TCP1: variants seen among roughly 807,000 people sequenced by gnomAD.
TCP1 encodes the protein T-complex protein 1 subunit alpha.
Under a neutral mutation model 54.7 loss-of-function variants are expected in TCP1, and 6 were observed. The ratio of observed to expected loss-of-function variants is 0.11; its 90% CI spans 0.06 to 0.22. The LOEUF (loss-of-function observed/expected upper bound fraction) is 0.22, where lower values mean the gene tolerates loss of function less well. Among genes scored for constraint, TCP1 ranks in the 10% least tolerant of loss-of-function variants. The pLI is 1.00. For synonymous variants in TCP1, 225 were observed against 229.7 expected, an observed-to-expected ratio of 0.98 and a Z score of 0.19; for missense variants, 511 against 678.2, an observed-to-expected ratio of 0.75 and a Z score of 2.74.
intron 7 of TCP1, among the ~76,000 whole-genome samples, chr6:159,783,611 C>G (rs112990757): frequency 3.3e-4 from 50 of 152,236 alleles, no homozygotes; most frequent in African/African-American, 1.2e-3. Context: ...ACTACCTCCA[C>G]CATTAGCTCT....
rs1416602090 is a variant in TCP1, at chr6:159,780,476, C to T, written c.1064G>A (p.Arg355Lys). The T allele has an allele frequency of 1.9e-6, 3 of 1,614,006 alleles. No individual in the cohort carries two copies. The highest frequency in any genetic ancestry group is 2.5e-6 in the Non-Finnish European group (3 of 1,179,956). Residue 355 changes from arginine (R) to lysine (K), a missense_variant, in exon 9 of 12, where the codon AGA (arginine) becomes AAA (lysine). Arg to Lys is a conservative substitution (Grantham distance 26). Coordinates refer to ENST00000321394, the MANE Select transcript of TCP1 (RefSeq NM_030752.3). ...LGQAEEVVQE[R>K]ICDDELILIK... ...TAAGATCAGCTCATCATCACAAATT[C>T]TCTCCTGTACCACTTCTTCTGCCTG...
intron 11 of TCP1, 150 bp from the exon 12 acceptor site, chr6:159,779,411 A>T (rs1313663751): frequency 1.0e-6 from 1 of 964,164 alleles, no homozygotes; most frequent in Non-Finnish European, 1.5e-6. Context: ...GCAGGGAGAG[A>T]TTAGCAATCA....
At chr6:159,788,215 C>T in intron 1 of TCP1, 72 bp from the exon 2 acceptor site, 1 of 1,457,442 alleles carries the variant, frequency 6.9e-7, no homozygotes, top group Non-Finnish European at 9.5e-7. Context: ...TAATTTCAGC[C>T]TAAAGGTAAA....
At chr6:159,780,619 T>C in intron 8 of TCP1, 53 bp from the exon 9 acceptor site, 2 of 1,590,782 alleles carry the variant, frequency 1.3e-6, no homozygotes, top group Admixed American at 1.8e-5. Flanking sequence ...ATGATTTTAA[T>C]ATCCTTGGAC....
intron 9 of TCP1, 100 bp downstream of exon 9, chr6:159,780,343 G>GT: frequency 6.4e-7 from 1 of 1,555,390 alleles, no homozygotes; most frequent in Non-Finnish European, 8.9e-7. Flanking sequence ...ATAACTGCTC[G>GT]TATCACTGTG....
Position 159,779,676 on chromosome 6 carries a change from C to T in TCP1, c.1405G>A (p.Ala469Thr). ...DSTDLVAKLR[A>T]FHNEAQVNPE... ...TTAACCTGGGCCTCATTATGAAAAG[C>T]TCTTAATTTTGCAACCAGATCTGTG... The change falls in exon 11 of 12, where the codon GCT (alanine) becomes ACT (threonine). Residue 469 changes from alanine to threonine, a missense_variant. Transcript: ENST00000321394. The T allele has an allele frequency of 3.1e-6, 5 of 1,612,772 alleles. No individual in the cohort carries two copies. The highest frequency in any genetic ancestry group is 4.2e-6 in the Non-Finnish European group (5 of 1,179,704).
At chr6:159,788,004 C>T in intron 2 of TCP1, 54 bp downstream of exon 2, 9 of 1,609,430 alleles carry the variant, frequency 5.6e-6, no homozygotes, top group Non-Finnish European at 6.8e-6. Context: ...CATAGCAAAA[C>T]ACTGAAGATA....
In TCP1 at chr6:159,785,419, G is replaced by C. The variant is rs371488122; in HGVS notation, c.455C>G (p.Ala152Gly). The C allele has an allele frequency of 6.8e-6, 11 of 1,612,828 alleles. No homozygotes were observed. The highest frequency in any genetic ancestry group is 9.3e-6 in the Non-Finnish European group (11 of 1,179,910). The stretch of plus-strand genomic sequence containing the variant: ...GATTTTGGAAGACATGGATGTCTTA[G>C]CAGCATTAATCAGGCAATCTCTTCC... ...ELGRDCLINA[A>G]KTSMSSKIIG... Residue 152 changes from alanine (A) to glycine (G), a missense_variant, in exon 5 of 12, where the codon GCT becomes GGT. Around this residue, in one of 5 missense-constraint regions of TCP1, gnomAD observed 305 missense variants for 352.8 expected, o/e 0.86. Coordinates refer to ENST00000321394, the MANE Select transcript of TCP1 (RefSeq NM_030752.3).
At chr6:159,785,540 C>T (rs552203129) in intron 4 of TCP1, 44 bp from the exon 5 acceptor site, 5 of 1,435,732 alleles carry the variant, frequency 3.5e-6, no homozygotes, top group South Asian at 1.1e-5. Flanking sequence ...AAAGTCACTA[C>T]TCAAACTCTT....
At chr6:159,785,323 A>G (rs562849100) in intron 5 of TCP1, 63 bp downstream of exon 5, 3 of 1,240,154 alleles carry the variant, frequency 2.4e-6, no homozygotes, top group South Asian at 2.4e-5. Flanking sequence ...ACATACCACC[A>G]TGCCCATCTC....
Position 159,785,466 on chromosome 6 carries a change from T to C in TCP1, c.408A>G (p.Leu136=), listed in dbSNP as rs1430038672. Reference sequence around the variant, plus strand: ...TTCCCAGTTCATCTGTGTTAACAATTAGGTTTTCATTGATATAACGCACTG... The same window carrying C: ...TTCCCAGTTCATCTGTGTTAACAATCAGGTTTTCATTGATATAACGCACTG... ...KEAVRYINEN[L]IVNTDELGRD... The change falls in exon 5 of 12, where the codon CTA becomes CTG. Residue 136 remains leucine (L), a synonymous_variant. Coordinates refer to ENST00000321394, the MANE Select transcript of TCP1 (RefSeq NM_030752.3). 1 of 1,613,980 alleles carries C rather than the reference T, an allele frequency of 6.2e-7. No homozygotes were observed. The highest frequency in any genetic ancestry group is 8.5e-7 in the Non-Finnish European group (1 of 1,179,968).
intron 3 of TCP1, among the ~76,000 whole-genome samples, chr6:159,786,217 A>G (rs983844631): frequency 1.3e-5 from 2 of 152,236 alleles, no homozygotes; most frequent in Non-Finnish European, 2.9e-5. Flanking sequence ...CACTTTAAGC[A>G]AAACAATGGA....
rs752898736 is a variant in TCP1 at position 159,778,848 on chromosome 6, A to C, written c.*197T>G. On this transcript the variant is annotated 3_prime_UTR_variant, in exon 12 of 12. Transcript: ENST00000321394. ...AGAATGAATTGCTTAAACTTTGAAC[A>C]ACCTCAATTTCTTTTTAAACTAATA... 3.9e-5 allele frequency: 63 copies of C among 1,613,792 alleles called. 1 individual carries two copies. Among genetic ancestry groups the C allele is most frequent in the South Asian group, 9.9e-5 (9 of 91,070 alleles).
At chr6:159,786,509 G>C (rs1780700409) in intron 3 of TCP1, among the ~76,000 whole-genome samples, 1 of 152,142 alleles carries the variant, frequency 6.6e-6, no homozygotes, top group African/African-American at 2.4e-5. Flanking sequence ...AAGCTAAACC[G>C]AGTGTGACTA....
At chr6:159,787,380 T>TA (rs1193965800) in intron 3 of TCP1, among the ~76,000 whole-genome samples, 3 of 152,106 alleles carry the variant, frequency 2.0e-5, no homozygotes, top group Non-Finnish European at 4.4e-5. Flanking sequence ...TGAGAGACCA[T>TA]AAAAAAATCT....
In TCP1 at chr6:159,778,703, A is replaced by G. The variant is rs1157708713; in HGVS notation, c.*342T>C. 1 of 1,614,082 alleles carries G rather than the reference A, an allele frequency of 6.2e-7. No homozygotes were observed. Among genetic ancestry groups the G allele is most frequent in the Non-Finnish European group, 8.5e-7 (1 of 1,180,040 alleles). ...CTATAGCCTTGGGCCACCCTCTTGG[A>G]GCATCTGGCTGTCGAATTCTTGTGA... On this transcript the variant is annotated 3_prime_UTR_variant, in exon 12 of 12. Coordinates refer to ENST00000321394, the MANE Select transcript of TCP1 (RefSeq NM_030752.3).
In TCP1 at chr6:159,783,820, T is replaced by A. The variant is rs1189738633; in HGVS notation, c.797+121A>T. The A allele has an allele frequency of 2.2e-6, 3 of 1,337,934 alleles. No homozygotes were observed. In the African/African-American group the frequency reaches 4.4e-5, roughly 20 times the overall value. 82.9% of individuals were successfully genotyped at this position (1,337,934 alleles called of 1,614,324 possible). On this transcript the variant is annotated intron_variant, in intron 7 of 11. Coordinates refer to ENST00000321394, the MANE Select transcript of TCP1 (RefSeq NM_030752.3). ...TTCATATAGGTTGTATAACCCCAAA[T>A]CCCTCTAAAAACACCACCAGGCTAA...
Position 159,784,136 on chromosome 6 carries a change from G to A in TCP1, c.671-69C>T, listed in dbSNP as rs1026519850. On this transcript the variant is annotated intron_variant, in intron 6 of 11. Coordinates refer to ENST00000321394, the MANE Select transcript of TCP1 (RefSeq NM_030752.3). ...AGCATAATAAAGAGTACCTATAATC[G>A]ATTGTATGTAAACACACAAATTTAG... 1.8e-5 allele frequency: 28 copies of A among 1,523,218 alleles called. No individual in the cohort carries two copies. In the East Asian group the frequency reaches 3.9e-4, roughly 21 times the overall value. 94.4% of individuals were successfully genotyped at this position (1,523,218 alleles called of 1,614,324 possible).
At chr6:159,783,126 G>A (rs1461289587) in intron 7 of TCP1, among the ~76,000 whole-genome samples, 2 of 152,182 alleles carry the variant, frequency 1.3e-5, no homozygotes, top group Non-Finnish European at 2.9e-5. Context: ...AGAGCCACAG[G>A]AAGAATCCAG....
Sources: allele counts gnomAD v4.1 joint callset (sites outside exome capture counted in the v4.1 genomes callset), GRCh38; gene constraint gnomAD v4.1.1; regional missense constraint gnomAD v4.1.1; transcripts MANE v1.5; gene names NCBI Gene and HGNC (gene_info 2026-07-23, HGNC 2026-07-21).